The following CNTNAP2 variants were observed in gnomAD, a reference collection of about 807,000 sequenced individuals.
CNTNAP2 encodes contactin associated protein 2.
A neutral mutation model predicts 155.2 loss-of-function variants in CNTNAP2; 98 were observed. That is an observed-to-expected ratio of 0.63 (90% confidence interval 0.54 to 0.75). The LOEUF (loss-of-function observed/expected upper bound fraction) is 0.75. Ranked by LOEUF, CNTNAP2 falls within the 30% of genes least tolerant of loss-of-function variation. The pLI, the probability that CNTNAP2 is intolerant of heterozygous loss-of-function variation, is 0.00. For missense variants in CNTNAP2, 1,727 were observed against 1,688.1 expected, an observed-to-expected ratio of 1.02 and a Z score of -0.40; for synonymous variants, 651 against 631.2, an observed-to-expected ratio of 1.03 and a Z score of -0.47.
chr7:148,331,773 GGAATGGACA>G lies in CNTNAP2; in HGVS notation c.3476-51873_3476-51865del, dbSNP rs1798028642. On this transcript the variant is annotated intron_variant, in intron 21 of 23. Transcript: ENST00000361727. ...GAACGGACGGATGGATTGGATGGAT[GGAATGGACA>G]GATGGAGTGGATGGATAGAATGGCC... 1.4e-5 allele frequency among the ~76,000 whole-genome samples: 2 copies of G among 142,668 alleles called. 1 individual carries two copies. Among genetic ancestry groups the G allele is most frequent in the Non-Finnish European group, 3.1e-5 (2 of 64,718 alleles). 93.6% of individuals were successfully genotyped at this position (142,668 alleles called of 152,430 possible).
intron 9 of CNTNAP2, among the ~76,000 whole-genome samples, chr7:147,354,404 A>G (rs975369273): frequency 3.5e-4 from 53 of 152,108 alleles, no homozygotes; most frequent in Non-Finnish European, 1.2e-4. Context: ...TCCTTTCCCC[A>G]TTGCTTGTTT....
chr7:147,828,810 T>C (rs1430684063), intron 13 of CNTNAP2, among the ~76,000 whole-genome samples: 2 of 152,182 alleles, frequency 1.3e-5, no homozygotes, highest in Non-Finnish European at 2.9e-5. Flanking sequence ...ATCATACTTT[T>C]AATATAAAAA....
intron 21 of CNTNAP2, among the ~76,000 whole-genome samples, chr7:148,332,377 T>C (rs1303002109): frequency 6.6e-6 from 1 of 152,294 alleles, no homozygotes; most frequent in East Asian, 1.9e-4. Context: ...GATGTGATGC[T>C]TTACTCATAG....
At chr7:146,530,100 A>G (rs537658658) in intron 1 of CNTNAP2, among the ~76,000 whole-genome samples, 9 of 152,336 alleles carry the variant, frequency 5.9e-5, no homozygotes, top group Non-Finnish European at 1.0e-4. Flanking sequence ...ACAGATAAAG[A>G]AAGTTGTCTT....
At chr7:147,945,232 A>G (rs992441334) in intron 14 of CNTNAP2, among the ~76,000 whole-genome samples, 3 of 152,202 alleles carry the variant, frequency 2.0e-5, no homozygotes, top group African/African-American at 7.2e-5. Flanking sequence ...AATGATTTCA[A>G]TCTATGAAAT....
intron 13 of CNTNAP2, among the ~76,000 whole-genome samples, chr7:147,857,796 AATCTCTAATATGAATATAC>A (rs1275523185): frequency 1.3e-5 from 2 of 152,210 alleles, no homozygotes; most frequent in Non-Finnish European, 2.9e-5. Flanking sequence ...AAAATTCGTA[AATCTCTAATATGAATATAC>A]ATCTCTAATA....
Position 146,721,889 on chromosome 7 carries a change from A to ATATTTTTTTT in CNTNAP2, c.98-52381_98-52380insATTTTTTTTT. 4.3e-5 allele frequency among the ~76,000 whole-genome samples: 3 copies of ATATTTTTTTT among 69,738 alleles called. No homozygotes were observed. In the African/African-American group the frequency reaches 5.7e-4, roughly 13 times the overall value. 45.8% of individuals were successfully genotyped at this position (69,738 alleles called of 152,430 possible). Reference sequence around the variant, plus strand: ...TGTGTGTGTGTGTATATATATATATATTTTTTTTTTTTTTTTTGAGATGGA... The same window carrying ATATTTTTTTT: ...TGTGTGTGTGTGTATATATATATATATATTTTTTTTTTTTTTTTTTTTTTTTTGAGATGGA... On this transcript the variant is annotated intron_variant, in intron 1 of 23. Transcript: ENST00000361727.
At chr7:147,945,611 CCT>C (rs1800806228) in intron 14 of CNTNAP2, among the ~76,000 whole-genome samples, 1 of 151,582 alleles carries the variant, frequency 6.6e-6, no homozygotes, top group African/African-American at 2.4e-5. Flanking sequence ...TTTATGTAAC[CCT>C]GTCATCATGC....
chr7:147,425,658 T>C (rs923856594), intron 10 of CNTNAP2, among the ~76,000 whole-genome samples: 3 of 152,160 alleles, frequency 2.0e-5, no homozygotes, highest in African/African-American at 7.2e-5. Flanking sequence ...ATTCTCATTT[T>C]TGTATCTGTT....
In CNTNAP2 at chr7:147,311,626, T is replaced by A. The variant is rs150791470; in HGVS notation, c.1498+11336T>A. On this transcript the variant is annotated intron_variant, in intron 9 of 23. Coordinates refer to ENST00000361727, the MANE Select transcript of CNTNAP2 (RefSeq NM_014141.6). ...TTAGTAGCCACAAGTCATTTGGTAA[T>A]GACACAAAAATGCAATACATAAAGG... 9.7e-3 allele frequency among the ~76,000 whole-genome samples: 1,482 copies of A among 152,194 alleles called. 18 individuals carry two copies. The highest frequency in any genetic ancestry group is 0.016 in the Non-Finnish European group (1,062 of 68,004).
At chr7:147,440,847 G>A (rs527337395) in intron 10 of CNTNAP2, among the ~76,000 whole-genome samples, 51 of 152,128 alleles carry the variant, frequency 3.4e-4, no homozygotes, top group African/African-American at 1.1e-3. Flanking sequence ...TTGGAGCTCC[G>A]TTGCATGTTA....
intron 1 of CNTNAP2, among the ~76,000 whole-genome samples, chr7:146,498,809 G>A (rs1372572767): frequency 2.6e-5 from 4 of 152,018 alleles, no homozygotes; most frequent in Admixed American, 2.6e-4. Flanking sequence ...AATTTAAAGA[G>A]GGAAAAGTAA....
At position 146,246,211 on chromosome 7, in the gene CNTNAP2, A is replaced by C. The variant is rs34315245; in HGVS notation, c.97+129238A>C. On this transcript the variant is annotated intron_variant, in intron 1 of 23. Transcript: ENST00000361727. Reference sequence around the variant, plus strand: ...GATCGGTCGCCAAGGAGGGAGTAGAAGTATCTTATACTTGTGGGTTAAGGT... The same window carrying C: ...GATCGGTCGCCAAGGAGGGAGTAGACGTATCTTATACTTGTGGGTTAAGGT... 1.6e-3 allele frequency among the ~76,000 whole-genome samples: 236 copies of C among 150,198 alleles called. 1 individual carries two copies. The Middle Eastern group carries it at 0.028, about 18-fold the overall frequency.
intron 3 of CNTNAP2, among the ~76,000 whole-genome samples, chr7:146,878,124 T>A (rs1408738485): frequency 6.6e-6 from 1 of 152,176 alleles, no homozygotes; most frequent in Non-Finnish European, 1.5e-5. Flanking sequence ...TCTTGAATAC[T>A]GTTAATGCAA....
intron 1 of CNTNAP2, among the ~76,000 whole-genome samples, chr7:146,662,823 C>T (rs1048732749): frequency 1.3e-5 from 2 of 151,790 alleles, no homozygotes; most frequent in African/African-American, 2.4e-5. Context: ...TTTTAAATAC[C>T]ATATTTTCTC....
chr7:147,060,606 G>A (rs1233641397), intron 4 of CNTNAP2, among the ~76,000 whole-genome samples: 3 of 152,096 alleles, frequency 2.0e-5, no homozygotes, highest in Admixed American at 2.0e-4. Flanking sequence ...GCTCACGCCT[G>A]TAATCTCAGC....
At chr7:147,610,155 A>G (rs1801154776) in intron 12 of CNTNAP2, among the ~76,000 whole-genome samples, 1 of 152,214 alleles carries the variant, frequency 6.6e-6, no homozygotes, top group Non-Finnish European at 1.5e-5. Flanking sequence ...ATAAACACGG[A>G]TTTACAACTA....
chr7:148,240,392 GT>G (rs1431670590), intron 20 of CNTNAP2, among the ~76,000 whole-genome samples: 2 of 152,138 alleles, frequency 1.3e-5, no homozygotes, highest in Non-Finnish European at 2.9e-5. Flanking sequence ...TTATCAACAT[GT>G]AAATAATAAA....
chr7:147,091,503 G>A (rs1224585709), intron 4 of CNTNAP2, among the ~76,000 whole-genome samples: 1 of 152,106 alleles, frequency 6.6e-6, no homozygotes, highest in East Asian at 1.9e-4. Flanking sequence ...CCAGGCTGGA[G>A]TGCAGTGGCA....
Sources: gnomAD v4.1 joint callset for allele counts (sites outside exome capture counted in the v4.1 genomes callset) on GRCh38, gnomAD v4.1.1 for gene constraint, MANE v1.5 for transcripts, NCBI Gene and HGNC (gene_info 2026-07-23, HGNC 2026-07-21) for gene names.